The following JKAMP variants were observed in gnomAD, a reference collection of about 807,000 sequenced individuals.
The protein encoded by JKAMP is JNK1/MAPK8-associated membrane protein.
JKAMP carries 20 observed loss-of-function variants against 40.2 expected under a neutral mutation model. That is an observed-to-expected ratio of 0.50 (90% CI 0.35 to 0.72). The LOEUF is 0.72. JKAMP is among the 30% of genes least tolerant of loss of function. JKAMP has a pLI of 0.01. For missense variants in JKAMP, 276 were observed against 373.0 expected, an observed-to-expected ratio of 0.74 and a Z score of 2.14; for synonymous variants, 138 against 131.6, an observed-to-expected ratio of 1.05 and a Z score of -0.33.
chr14:59,484,878 C>G, intron 1 of JKAMP: 2 of 1,281,946 alleles, frequency 1.6e-6, no homozygotes, highest in Non-Finnish European at 2.1e-6. Flanking sequence ...CGAGGGAACA[C>G]TTGCTTGAGG....
At chr14:59,486,675 C>A (rs770832386) in intron 1 of JKAMP, 38 bp from the exon 2 acceptor site, 1 of 1,374,494 alleles carries the variant, frequency 7.3e-7, no homozygotes, top group African/African-American at 1.5e-5. Context: ...TTTATAATCA[C>A]AAAAGATGTT....
intron 3 of JKAMP, among the ~76,000 whole-genome samples, chr14:59,491,679 A>T (rs1891019878): frequency 6.6e-6 from 1 of 152,216 alleles, no homozygotes. Flanking sequence ...AAACTATGTG[A>T]GACATTGCTG....
At chr14:59,485,331 ATTGGTT>A in intron 1 of JKAMP, 2 of 442,526 alleles carry the variant, frequency 4.5e-6, no homozygotes, top group African/African-American at 2.1e-5. Flanking sequence ...TGTGATTACA[ATTGGTT>A]ACAAAAAAAA....
chr14:59,497,256 T>A (rs897091277), intron 4 of JKAMP, among the ~76,000 whole-genome samples: 6 of 152,198 alleles, frequency 3.9e-5, no homozygotes, highest in African/African-American at 1.4e-4. Context: ...ACTAAAACTT[T>A]AAGAATGAGT....
At chr14:59,503,233 T>C (rs1231193839) in intron 6 of JKAMP, among the ~76,000 whole-genome samples, 3 of 152,182 alleles carry the variant, frequency 2.0e-5, no homozygotes, top group Admixed American at 2.0e-4. Context: ...GTTGATGAGC[T>C]GTTTAATAAG....
rs1288930868 is a variant in JKAMP, at chr14:59,504,294, A to G, written c.*222A>G. ...TACACAGGGTAATATTATCTGCTAC[A>G]CTGGAAGGCCGCTAGGAAGCCCTTG... On this transcript the variant is annotated 3_prime_UTR_variant, in exon 7 of 7. Coordinates refer to ENST00000616435, the MANE Select transcript of JKAMP (RefSeq NM_016475.5). 1 of 506,370 alleles carries G rather than the reference A, an allele frequency of 2.0e-6. No individual in the cohort carries two copies. The highest frequency in any genetic ancestry group is 3.6e-5 in the Admixed American group (1 of 27,882). The allele number at this position is 506,370 out of a possible 1,614,324, so 31.4% of individuals were successfully genotyped here.
At position 59,498,931 on chromosome 14, in the gene JKAMP, A is replaced by G. The variant is rs1044858778; in HGVS notation, c.640+23A>G. The G allele has an allele frequency of 3.3e-5, 47 of 1,417,018 alleles. 1 individual carries two copies. The Admixed American group carries it at 8.9e-4, about 27-fold the overall frequency. 87.8% of individuals were successfully genotyped at this position (1,417,018 alleles called of 1,614,324 possible). A position where few individuals can be genotyped will look rare whatever the true frequency, so the allele number is the denominator to read the frequency against. ...TATGTAAGTTTGATGGGTAAAGTCA[A>G]TGAAATATATTTATTATTGTATGTA... On this transcript the variant is annotated intron_variant, in intron 5 of 6. Coordinates refer to ENST00000616435, the MANE Select transcript of JKAMP (RefSeq NM_016475.5).
intron 4 of JKAMP, among the ~76,000 whole-genome samples, chr14:59,497,023 A>G (rs1291336428): frequency 3.3e-5 from 5 of 150,984 alleles, no homozygotes; most frequent in African/African-American, 7.3e-5. Context: ...TTGCAAGTCA[A>G]CAAAAAGCAA....
In JKAMP at chr14:59,504,201, G is replaced by A. The variant is rs1892174022; in HGVS notation, c.*129G>A. 4.7e-6 allele frequency: 3 copies of A among 639,888 alleles called. No individual in the cohort carries two copies. Among genetic ancestry groups the A allele is most frequent in the Admixed American group, 2.9e-5 (1 of 34,566 alleles). The allele number at this position is 639,888 out of a possible 1,614,324, so 39.6% of individuals were successfully genotyped here. On this transcript the variant is annotated 3_prime_UTR_variant, in exon 7 of 7. Coordinates refer to ENST00000616435, the MANE Select transcript of JKAMP (RefSeq NM_016475.5). ...ATTGTCAGTATATCTTAATGTTTGG[G>A]TTTGTCTTTGTTTTGTTTATGGTTA...
chr14:59,485,400 T>C, intron 1 of JKAMP: 1 of 327,276 alleles, frequency 3.1e-6, no homozygotes. Flanking sequence ...CCGAAATTTG[T>C]TAAAAGCGAA....
chr14:59,498,607 A>T, intron 4 of JKAMP, 120 bp from the exon 5 acceptor site: 1 of 587,468 alleles, frequency 1.7e-6, no homozygotes, highest in Non-Finnish European at 2.9e-6. Context: ...CTGAATATCC[A>T]ATGGATAGAG....
chr14:59,492,770 A>T (rs552868224), intron 3 of JKAMP, among the ~76,000 whole-genome samples: 1 of 152,018 alleles, frequency 6.6e-6, no homozygotes, highest in South Asian at 2.1e-4. Flanking sequence ...GTCTCTGGAA[A>T]AATAGAGACT....
Position 59,495,015 on chromosome 14 carries a change from T to C in JKAMP, c.252-3T>C, listed in dbSNP as rs1489001793. ...AGTAATCATGCCTCTTTTCCTTCTC[T>C]AGTTCCAGCGCACTTTTCCAACACA... On this transcript the variant is annotated splice_region_variant and splice_polypyrimidine_tract_variant and intron_variant, in intron 3 of 6. Transcript: ENST00000616435. 7 of 1,611,092 alleles carry C rather than the reference T, an allele frequency of 4.3e-6. No homozygotes were observed. The African/African-American group carries it at 5.3e-5, about 12-fold the overall frequency.
At chr14:59,495,496 G>A (rs28446841) in intron 4 of JKAMP, among the ~76,000 whole-genome samples, 59,251 of 151,904 alleles carry the variant, frequency 0.39, 12,295 homozygotes, top group African/African-American at 0.52. Flanking sequence ...GCACTTTATA[G>A]TAAATGGCAT....
In JKAMP at chr14:59,484,526, A is replaced by G. The variant is rs1297446106; in HGVS notation, c.-64A>G. 5 of 1,553,240 alleles carry G rather than the reference A, an allele frequency of 3.2e-6. No individual in the cohort carries two copies. Among genetic ancestry groups the G allele is most frequent in the East Asian group, 4.8e-5 (2 of 41,438 alleles). On this transcript the variant is annotated 5_prime_UTR_variant, in exon 1 of 7. An upstream start codon of the reference 5' UTR is lost. Coordinates refer to ENST00000616435, the MANE Select transcript of JKAMP (RefSeq NM_016475.5). ...AGCCGCCGAGCTCGCTGTGGCCCGG[A>G]TGTTCGGTGCAGCTGCCAGATCCGC... is the stretch of plus-strand genomic sequence containing the variant.
At chr14:59,485,019 C>T in intron 1 of JKAMP, 1 of 1,597,392 alleles carries the variant, frequency 6.3e-7, no homozygotes, top group Non-Finnish European at 8.5e-7. Context: ...AAGGGCAGGA[C>T]CGCTGCAAAA....
rs763123544 is a variant in JKAMP at position 59,495,253 on chromosome 14, T to A, written c.458+29T>A. 3 of 1,267,038 alleles carry A rather than the reference T, an allele frequency of 2.4e-6. No individual in the cohort carries two copies. The East Asian group carries it at 6.8e-5, about 29-fold the overall frequency. The allele number at this position is 1,267,038 out of a possible 1,614,324, so 78.5% of individuals were successfully genotyped here. A position where few individuals can be genotyped will look rare whatever the true frequency, so the allele number is the denominator to read the frequency against. On this transcript the variant is annotated intron_variant, in intron 4 of 6. Transcript: ENST00000616435. ...AGTGTTTATTTCGACTTAAGATCAT[T>A]GTTTTTTTTTAAATCTCTGAGGATT... is the stretch of plus-strand genomic sequence containing the variant.
Position 59,495,286 on chromosome 14 carries a change from A to T in JKAMP, c.458+62A>T, listed in dbSNP as rs1448066353. The T allele has an allele frequency of 3.0e-6, 4 of 1,316,348 alleles. No homozygotes were observed. In the Admixed American group the frequency reaches 7.2e-5, roughly 24 times the overall value. 81.5% of individuals were successfully genotyped at this position (1,316,348 alleles called of 1,614,324 possible). ...TTTAAATCTCTGAGGATTATTATAG[A>T]TTTTATGGCGTTTGGAGACAAAAAC... On this transcript the variant is annotated intron_variant, in intron 4 of 6. Coordinates refer to ENST00000616435, the MANE Select transcript of JKAMP (RefSeq NM_016475.5).
chr14:59,484,665 G>A, intron 1 of JKAMP, 72 bp downstream of exon 1: 3 of 1,533,186 alleles, frequency 2.0e-6, no homozygotes, highest in Non-Finnish European at 2.7e-6. Context: ...CTGGCCTCGG[G>A]CTCGGCTCTT....
Sources: allele counts gnomAD v4.1 joint callset (sites outside exome capture counted in the v4.1 genomes callset), GRCh38; gene constraint gnomAD v4.1.1; transcripts MANE v1.5; gene names NCBI Gene and HGNC (gene_info 2026-07-23, HGNC 2026-07-21).